Variants in GPR15LG observed in about 807,000 individuals in gnomAD.
GPR15LG encodes the protein protein GPR15LG.
chr10:84,176,601 G>T, the GPR15LG span: 64 of 1,532,000 alleles, frequency 4.2e-5, no homozygotes, highest in African/African-American at 6.8e-4. Flanking sequence ...AGACTGTGGG[G>T]CAGAAGTTCT....
the GPR15LG span, among the ~76,000 whole-genome samples, chr10:84,175,909 C>T: frequency 6.0e-5 from 9 of 150,698 alleles, no homozygotes; most frequent in African/African-American, 1.2e-4. Flanking sequence ...TTTTTTGAGA[C>T]GAAGTTTTTG....
At chr10:84,184,144 A>C in the GPR15LG span, among the ~76,000 whole-genome samples, 2 of 146,238 alleles carry the variant, frequency 1.4e-5, no homozygotes, top group Admixed American at 6.9e-5. Context: ...ACATAAGGAG[A>C]CTCCCATCTT....
chr10:84,173,992 GTTGGAGGGCAGGCC>G, the GPR15LG span: 11 of 1,236,472 alleles, frequency 8.9e-6, no homozygotes, highest in Non-Finnish European at 1.3e-5. Context: ...ATCAGGATTT[GTTGGAGGGCAGGCC>G]TTGGCGGGCA....
At chr10:84,180,989 G>A in the GPR15LG span, among the ~76,000 whole-genome samples, 1 of 152,228 alleles carries the variant, frequency 6.6e-6, no homozygotes, top group Non-Finnish European at 1.5e-5. Flanking sequence ...GGCAGGCTGA[G>A]GCAGGAGAAT....
the GPR15LG span, among the ~76,000 whole-genome samples, chr10:84,181,240 A>AAT: frequency 8.5e-6 from 1 of 117,952 alleles, no homozygotes. Flanking sequence ...AAAAAATTAA[A>AAT]TTTTTTTTTT....
chr10:84,178,369 C>T, the GPR15LG span, among the ~76,000 whole-genome samples: 15 of 151,716 alleles, frequency 9.9e-5, no homozygotes, highest in African/African-American at 2.7e-4. Flanking sequence ...AGCACACACA[C>T]GTATACCAGA....
At chr10:84,176,140 A>G in the GPR15LG span, among the ~76,000 whole-genome samples, 1 of 151,414 alleles carries the variant, frequency 6.6e-6, no homozygotes, top group Admixed American at 6.6e-5. Flanking sequence ...CGCCCACCTC[A>G]GCCTCCCAAA....
the GPR15LG span, among the ~76,000 whole-genome samples, chr10:84,175,871 GCTTTTTTT>G: frequency 7.3e-5 from 11 of 149,760 alleles, no homozygotes; most frequent in East Asian, 2.0e-4. Flanking sequence ...CTTTATTCAG[GCTTTTTTT>G]CTTTTTTTCT....
the GPR15LG span, among the ~76,000 whole-genome samples, chr10:84,184,006 C>T: frequency 6.6e-6 from 1 of 151,646 alleles, no homozygotes; most frequent in African/African-American, 2.4e-5. Flanking sequence ...TTTCCAGACA[C>T]TTTTTTTTCT....
the GPR15LG span, among the ~76,000 whole-genome samples, chr10:84,174,588 G>C: frequency 6.6e-6 from 1 of 150,572 alleles, no homozygotes; most frequent in Non-Finnish European, 1.5e-5. Flanking sequence ...CCGCCTCCTG[G>C]GTTCAAGCAA....
At chr10:84,178,838 A>T in the GPR15LG span, among the ~76,000 whole-genome samples, 1 of 152,238 alleles carries the variant, frequency 6.6e-6, no homozygotes, top group Non-Finnish European at 1.5e-5. Context: ...TTTATGAACA[A>T]CTTAGAACAA....
chr10:84,185,002 C>T, the GPR15LG span: 1 of 1,366,404 alleles, frequency 7.3e-7, no homozygotes, highest in Non-Finnish European at 9.4e-7. Flanking sequence ...CCTCAGTCGC[C>T]ACCATGTGGG....
At chr10:84,175,756 T>C in the GPR15LG span, among the ~76,000 whole-genome samples, 1 of 152,356 alleles carries the variant, frequency 6.6e-6, no homozygotes, top group South Asian at 2.1e-4. Context: ...TCCTCCCACC[T>C]TGGCCTCCCA....
At chr10:84,176,657 A>C in the GPR15LG span, 1 of 876,938 alleles carries the variant, frequency 1.1e-6, no homozygotes, top group Non-Finnish European at 1.8e-6. Flanking sequence ...GCCCCCACCC[A>C]TGGCTGGCAT....
At chr10:84,180,106 C>T in the GPR15LG span, among the ~76,000 whole-genome samples, 116 of 152,320 alleles carry the variant, frequency 7.6e-4, no homozygotes, top group African/African-American at 2.8e-3. Flanking sequence ...TGCCTTCAAG[C>T]ATCTGTTTAA....
chr10:84,182,646 C>G, the GPR15LG span, among the ~76,000 whole-genome samples: 1 of 152,234 alleles, frequency 6.6e-6, no homozygotes, highest in African/African-American at 2.4e-5. Flanking sequence ...TCTTGAGGTA[C>G]AGGCTCTGAG....
At chr10:84,178,699 C>A in the GPR15LG span, among the ~76,000 whole-genome samples, 8 of 152,186 alleles carry the variant, frequency 5.3e-5, no homozygotes, top group Non-Finnish European at 1.2e-4. Flanking sequence ...CATGTTAACT[C>A]CCGTGCAAGT....
At chr10:84,178,831 A>G in the GPR15LG span, among the ~76,000 whole-genome samples, 1 of 152,240 alleles carries the variant, frequency 6.6e-6, no homozygotes, top group African/African-American at 2.4e-5. Flanking sequence ...GTTGAAATTT[A>G]TGAACAACTT....
chr10:84,176,429 C>A, the GPR15LG span: 1 of 1,345,508 alleles, frequency 7.4e-7, no homozygotes, highest in Non-Finnish European at 1.1e-6. Context: ...GAAGCTCACT[C>A]ACAGACAAGC....
Sources: allele counts gnomAD v4.1 joint callset (sites outside exome capture counted in the v4.1 genomes callset), GRCh38; gene constraint gnomAD v4.1.1; transcripts MANE v1.5; gene names NCBI Gene and HGNC (gene_info 2026-07-23, HGNC 2026-07-21).